Variants in MDN1 observed in about 807,000 individuals in gnomAD.
MDN1 encodes the protein midasin.
Under a neutral mutation model 669.2 loss-of-function variants are expected in MDN1, and 266 were observed. The observed-to-expected ratio is 0.40, with a 90% CI of 0.36 to 0.44. The LOEUF (loss-of-function observed/expected upper bound fraction) is 0.44, where lower values mean the gene tolerates loss of function less well. Ranked by LOEUF, MDN1 falls within the 20% of genes least tolerant of loss-of-function variation. The probability of loss-of-function intolerance (pLI) is 1.00; values close to 1 mark genes in which losing one functional copy is unlikely to be tolerated. For synonymous variants in MDN1, 2,385 were observed against 2,457.1 expected (o/e 0.97, Z 0.87); for missense variants, 5,940 against 6,754.0 (o/e 0.88, Z 4.22).
chr6:89,678,903 T>C (rs548124795), intron 74 of MDN1, among the ~76,000 whole-genome samples, 158 bp from the exon 75 acceptor site: 15 of 152,336 alleles, frequency 9.8e-5, no homozygotes, highest in African/African-American at 3.6e-4. Context: ...TAGCATTTGG[T>C]AAAATCTCAT....
At chr6:89,647,903 T>C in intron 99 of MDN1, 129 bp downstream of exon 99, 2 of 706,478 alleles carry the variant, frequency 2.8e-6, no homozygotes, top group Non-Finnish European at 4.8e-6. Context: ...TAGTGAGCTA[T>C]GATGGCGCCA....
At chr6:89,808,503 A>G (rs1049489036) in intron 1 of MDN1, among the ~76,000 whole-genome samples, 1 of 152,104 alleles carries the variant, frequency 6.6e-6, no homozygotes, top group Non-Finnish European at 1.5e-5. Context: ...AACATCTCCT[A>G]CACAGAAAAA....
rs1811289965 is a variant in MDN1 at position 89,677,592 on chromosome 6, T to C, written c.12517A>G (p.Ser4173Gly). 1 of 1,614,080 alleles carries C rather than the reference T, an allele frequency of 6.2e-7. No individual in the cohort carries two copies. Among genetic ancestry groups the C allele is most frequent in the East Asian group, 2.2e-5 (1 of 44,898 alleles). Reference protein sequence around the residue: ...DLQSALSIVSSTQEADSRLLT... With the variant: ...DLQSALSIVSGTQEADSRLLT... ...AACCTAGAATCAGCCTCCTGAGTGC[T>C]GCTGACGATGGACAATGCGCTCTGG... Residue 4173 changes from serine (S) to glycine (G), a missense_variant, in exon 76 of 102, where the codon AGC (serine) becomes GGC (glycine). Ser to Gly is a moderately conservative substitution (Grantham distance 56, BLOSUM62 0). Coordinates refer to ENST00000369393, the MANE Select transcript of MDN1 (RefSeq NM_014611.3).
rs778091456 is a variant in MDN1 at position 89,787,969 on chromosome 6, A to G, written c.1231-12T>C. ...ATCAGCACAGAAACCTAAATCAGAT[A>G]ACAACAACCGCACTGATAAAGTAAA... On this transcript the variant is annotated splice_polypyrimidine_tract_variant and intron_variant, in intron 7 of 101. Coordinates refer to ENST00000369393, the MANE Select transcript of MDN1 (RefSeq NM_014611.3). 1 of 1,590,706 alleles carries G rather than the reference A, an allele frequency of 6.3e-7. No homozygotes were observed. The highest frequency in any genetic ancestry group is 1.1e-5 in the South Asian group (1 of 90,492).
Position 89,643,910 on chromosome 6 carries a change from T to TA in MDN1, c.*94dup, listed in dbSNP as rs1332677372. The TA allele has an allele frequency of 9.5e-7, 1 of 1,056,296 alleles. No homozygotes were observed. The highest frequency in any genetic ancestry group is 3.2e-4 in the Middle Eastern group (1 of 3,102). 65.4% of individuals were successfully genotyped at this position (1,056,296 alleles called of 1,614,324 possible). ...ACGTTGTAAAATAAAAATATTACAA[T>TA]AAAATTTTTTGTAGTTGTCCAAAAG... On this transcript the variant is annotated 3_prime_UTR_variant, in exon 102 of 102. Coordinates refer to ENST00000369393, the MANE Select transcript of MDN1 (RefSeq NM_014611.3).
rs1818594088 is a variant in MDN1 at position 89,780,199 on chromosome 6, A to G, written c.1725+13T>C. The G allele has an allele frequency of 4.7e-6, 7 of 1,479,304 alleles. No homozygotes were observed. Among genetic ancestry groups the G allele is most frequent in the Non-Finnish European group, 6.4e-6 (7 of 1,097,136 alleles). 91.6% of individuals were successfully genotyped at this position (1,479,304 alleles called of 1,614,324 possible). On this transcript the variant is annotated intron_variant, in intron 11 of 101. Coordinates refer to ENST00000369393, the MANE Select transcript of MDN1 (RefSeq NM_014611.3). The stretch of plus-strand genomic sequence containing the variant: ...AGAACCAAGACAAAAAAGACTGGAA[A>G]ACTATATCTTACCTCTTGAAAAATA...
chr6:89,646,666 A>G, intron 99 of MDN1, 63 bp from the exon 100 acceptor site: 1 of 1,383,368 alleles, frequency 7.2e-7, no homozygotes, highest in Admixed American at 1.7e-5. Flanking sequence ...ATTGTCAAAG[A>G]GACTGATAGT....
chr6:89,757,243 T>C (rs1817301157), intron 19 of MDN1, among the ~76,000 whole-genome samples: 1 of 152,170 alleles, frequency 6.6e-6, no homozygotes, highest in Admixed American at 6.5e-5. Flanking sequence ...CACCAACAAC[T>C]AAGTACCTTG....
In MDN1 at chr6:89,718,515, C is replaced by T; in HGVS notation, c.6434G>A (p.Arg2145Gln). The change falls in exon 43 of 102, where the codon CGA becomes CAA. Residue 2145 changes from arginine to glutamine, a missense_variant. By Grantham distance (43) the Arg-to-Gln change is conservative (BLOSUM62 1). Around this residue, in one of 5 missense-constraint regions of MDN1, gnomAD observed 2,292 missense variants for 2,638.3 expected, o/e 0.87. Coordinates refer to ENST00000369393, the MANE Select transcript of MDN1 (RefSeq NM_014611.3). ...TGTCAGAAGAAAATGACTCCAGGCT[C>T]GCAGCACTACTTCTGCATCATCAGC... ...ISADDAEVVL[R>Q]AWSHFLLTYK... The T allele has an allele frequency of 1.9e-6, 3 of 1,614,132 alleles. No homozygotes were observed. Among genetic ancestry groups the T allele is most frequent in the Non-Finnish European group, 2.5e-6 (3 of 1,180,022 alleles).
intron 88 of MDN1, among the ~76,000 whole-genome samples, chr6:89,659,879 CTT>C (rs946228382): frequency 7.9e-5 from 12 of 152,182 alleles, no homozygotes; most frequent in African/African-American, 2.9e-4. Context: ...TAAAATAACT[CTT>C]ATTATTTATT....
rs1814186028 is a variant in MDN1 at position 89,714,416 on chromosome 6, T to C, written c.7069+127A>G. 6.5e-6 allele frequency: 6 copies of C among 916,150 alleles called. No homozygotes were observed. The South Asian group carries it at 1.2e-4, about 19-fold the overall frequency. The allele number at this position is 916,150 out of a possible 1,614,324, so 56.8% of individuals were successfully genotyped here. Reference sequence around the variant, plus strand: ...TGGGGTGTCTGGAAATCCACATTTTTAACAAGCTTTCCTGATAATTTCTAT... The same window carrying C: ...TGGGGTGTCTGGAAATCCACATTTTCAACAAGCTTTCCTGATAATTTCTAT... On this transcript the variant is annotated intron_variant, in intron 46 of 101. Transcript: ENST00000369393.
chr6:89,714,551 G>A lies in MDN1; in HGVS notation c.7061C>T (p.Thr2354Ile). 6.2e-7 allele frequency: 1 copy of A among 1,604,592 alleles called. No individual in the cohort carries two copies. Among genetic ancestry groups the A allele is most frequent in the Non-Finnish European group, 8.5e-7 (1 of 1,175,258 alleles). The change falls in exon 46 of 102, where the codon ACT (threonine) becomes ATT (isoleucine). Residue 2354 changes from threonine to isoleucine, a missense_variant. Physicochemically the swap from Thr to Ile is moderately conservative, Grantham distance 89. Transcript: ENST00000369393. Reference sequence around the variant, plus strand: ...AAAGTCAAGCACCTCACCTACAACAGTGCTCCGGGTCTCTGTGTGTAAAGC... The same window carrying A: ...AAAGTCAAGCACCTCACCTACAACAATGCTCCGGGTCTCTGTGTGTAAAGC... ...LLALHTETRSTVVGSPTSSVS... is the reference protein window; with the variant it reads ...LLALHTETRSIVVGSPTSSVS...
intron 2 of MDN1, among the ~76,000 whole-genome samples, chr6:89,800,862 A>G (rs1441016351): frequency 2.0e-5 from 3 of 152,210 alleles, no homozygotes; most frequent in Non-Finnish European, 2.9e-5. Flanking sequence ...AGACAGTCTC[A>G]GAGTTGAACT....
intron 66 of MDN1, 32 bp downstream of exon 66, chr6:89,688,541 T>C (rs372000032): frequency 5.0e-6 from 8 of 1,591,294 alleles, no homozygotes; most frequent in Admixed American, 1.7e-5. Context: ...GACTCAGTAC[T>C]GTGAGCACTC....
Position 89,781,575 on chromosome 6 carries a change from A to C in MDN1, c.1467T>G (p.Tyr489Ter), listed in dbSNP as rs769387491. The change falls in exon 10 of 102, where the codon TAT becomes TAG. Residue 489 changes from tyrosine (Y) to a stop codon, truncating the protein, a stop_gained. Transcript: ENST00000369393. LOFTEE classifies it high-confidence loss of function. ...GATCAACCACTGCCAATAGGCTAGG[A>C]TATCTGCTCTGAAGAACCTGACAGA... The part of the protein sequence containing the change: ...RELNEVLQSR[Y>*]PSLLAVVDHL... 11 of 1,603,002 alleles carry C rather than the reference A, an allele frequency of 6.9e-6. No homozygotes were observed. The highest frequency in any genetic ancestry group is 7.7e-6 in the Non-Finnish European group (9 of 1,173,498).
chr6:89,646,888 G>A (rs1584075257), intron 99 of MDN1, among the ~76,000 whole-genome samples: 1 of 152,122 alleles, frequency 6.6e-6, no homozygotes. Flanking sequence ...CTCGATTCCT[G>A]GGCTCTGCCT....
chr6:89,814,691 C>A, intron 1 of MDN1: 1 of 272,392 alleles, frequency 3.7e-6, no homozygotes, highest in African/African-American at 2.2e-5. Flanking sequence ...TTCTCAGTGG[C>A]AGGATGCGAG....
chr6:89,718,634 T>C lies in MDN1; in HGVS notation c.6322-7A>G. On this transcript the variant is annotated splice_polypyrimidine_tract_variant and splice_region_variant and intron_variant, in intron 42 of 101. Transcript: ENST00000369393. Reference sequence around the variant, plus strand: ...AAGGTCGTATAAGATCAACCTGTAATTTCCAGAGGACATGAACTCATCATA... The same window carrying C: ...AAGGTCGTATAAGATCAACCTGTAACTTCCAGAGGACATGAACTCATCATA... 6.2e-7 allele frequency: 1 copy of C among 1,612,860 alleles called. No individual in the cohort carries two copies. The highest frequency in any genetic ancestry group is 8.5e-7 in the Non-Finnish European group (1 of 1,178,996).
At chr6:89,770,490 G>A (rs1220907899) in intron 15 of MDN1, among the ~76,000 whole-genome samples, 1 of 151,144 alleles carries the variant, frequency 6.6e-6, no homozygotes, top group African/African-American at 2.4e-5. Flanking sequence ...AATAAGAACA[G>A]ATTGCCAAGT....
Sources: allele counts gnomAD v4.1 joint callset (sites outside exome capture counted in the v4.1 genomes callset), GRCh38; gene constraint gnomAD v4.1.1; regional missense constraint gnomAD v4.1.1; transcripts MANE v1.5; gene names NCBI Gene and HGNC (gene_info 2026-07-23, HGNC 2026-07-21).